SYNE1: variants seen among roughly 807,000 people sequenced by gnomAD.
SYNE1 encodes the protein nesprin-1.
A neutral mutation model predicts 1,111.0 loss-of-function variants in SYNE1; 616 were observed. That is an observed-to-expected ratio of 0.55 (90% CI 0.52 to 0.59). SYNE1 has a LOEUF of 0.59. Ranked by LOEUF, SYNE1 falls within the 20% of genes least tolerant of loss-of-function variation. The probability of loss-of-function intolerance (pLI) is 0.00; values close to 1 mark genes in which losing one functional copy is unlikely to be tolerated. For synonymous variants in SYNE1, 3,855 were observed against 3,825.8 expected (o/e 1.01, Z -0.28); for missense variants, 10,006 against 10,417.0 (o/e 0.96, Z 1.72).
intron 3 of SYNE1, among the ~76,000 whole-genome samples, chr6:152,547,640 C>CA (rs946052533): frequency 6.6e-6 from 1 of 151,662 alleles, no homozygotes; most frequent in Admixed American, 6.6e-5. Context: ...CTAGTCTTTC[C>CA]AAAAAAAAGA....
chr6:152,130,480 A>G (rs1206282336), intron 145 of SYNE1, among the ~76,000 whole-genome samples: 1 of 152,218 alleles, frequency 6.6e-6, no homozygotes, highest in Non-Finnish European at 1.5e-5. Context: ...AAAGTACCAG[A>G]TGGGCTATGT....
chr6:152,446,108 AT>A (rs11351100), intron 29 of SYNE1, among the ~76,000 whole-genome samples: 56,283 of 129,432 alleles, frequency 0.43, 11,103 homozygotes, highest in East Asian at 0.7. Context: ...AAGACAGTCA[AT>A]TTTTTTTTTT....
Position 152,399,307 on chromosome 6 carries a change from C to T in SYNE1, c.7237+309G>A, listed in dbSNP as rs148090432. Among the ~76,000 whole-genome samples the T allele has an allele frequency of 2.9e-4, 44 of 152,270 alleles. No individual in the cohort carries two copies. The East Asian group carries it at 7.9e-3, about 27-fold the overall frequency. ...CAGTTGTTTGGACAGTGGCTGCTGG[C>T]CACTTGAGCAGTGGAAGTAATTTTC... On this transcript the variant is annotated intron_variant, in intron 48 of 145. Coordinates refer to ENST00000367255, the MANE Select transcript of SYNE1 (RefSeq NM_182961.4).
rs201709351 is a variant in SYNE1, at chr6:152,505,445, A to C, written c.582-48T>G. Reference sequence around the variant, plus strand: ...ATGATGTCACATTCTGAATAGATACAAGCACTTTCTTCAAGGCCTCATGCA... The same window carrying C: ...ATGATGTCACATTCTGAATAGATACCAGCACTTTCTTCAAGGCCTCATGCA... On this transcript the variant is annotated intron_variant, in intron 8 of 145. Transcript: ENST00000367255. 2.3e-5 allele frequency: 36 copies of C among 1,599,402 alleles called. No homozygotes were observed. The African/African-American group carries it at 4.4e-4, about 20-fold the overall frequency.
At chr6:152,160,720 A>G (rs975222236) in intron 131 of SYNE1, among the ~76,000 whole-genome samples, 4 of 152,150 alleles carry the variant, frequency 2.6e-5, no homozygotes, top group African/African-American at 9.7e-5. Context: ...TCTAAATTAT[A>G]AAGAATTTTT....
intron 11 of SYNE1, among the ~76,000 whole-genome samples, chr6:152,494,347 T>G (rs989759165): frequency 6.6e-6 from 1 of 152,152 alleles, no homozygotes; most frequent in African/African-American, 2.4e-5. Context: ...ACATTATTCC[T>G]GCTACCACAC....
At chr6:152,350,090 G>A in intron 72 of SYNE1, 78 bp downstream of exon 72, 2 of 1,571,850 alleles carry the variant, frequency 1.3e-6, no homozygotes, top group African/African-American at 1.3e-5. Flanking sequence ...CCCCACACAT[G>A]CACACACATG....
chr6:152,293,549 T>C, intron 95 of SYNE1, 39 bp downstream of exon 95: 1 of 1,612,502 alleles, frequency 6.2e-7, no homozygotes, highest in Non-Finnish European at 8.5e-7. Flanking sequence ...CAGTGCCTTA[T>C]TCAATCAAGT....
chr6:152,283,375 C>G (rs557125036), intron 96 of SYNE1, among the ~76,000 whole-genome samples: 13 of 152,246 alleles, frequency 8.5e-5, no homozygotes, highest in African/African-American at 3.1e-4. Flanking sequence ...TATGCAAATC[C>G]TCTACAATTA....
At chr6:152,238,567 G>A (rs1026067011) in intron 108 of SYNE1, among the ~76,000 whole-genome samples, 3 of 152,134 alleles carry the variant, frequency 2.0e-5, no homozygotes, top group African/African-American at 7.2e-5. Flanking sequence ...GAAAATGTTG[G>A]CCCAGGGAAA....
At chr6:152,296,377 G>C (rs926184269) in intron 93 of SYNE1, among the ~76,000 whole-genome samples, 1 of 152,168 alleles carries the variant, frequency 6.6e-6, no homozygotes, top group African/African-American at 2.4e-5. Context: ...TGCATATCCT[G>C]TAGGCTCTTC....
chr6:152,577,905 A>T (rs79532630), intron 3 of SYNE1, among the ~76,000 whole-genome samples: 8,237 of 152,216 alleles, frequency 0.054, 297 homozygotes, highest in African/African-American at 0.1. Context: ...AGAAAGTAAC[A>T]ACCAGAAGCA....
intron 137 of SYNE1, chr6:152,145,837 C>G (rs570862953): frequency 3.9e-5 from 15 of 383,554 alleles, no homozygotes; most frequent in South Asian, 3.2e-4. Flanking sequence ...CCAGCCTGGC[C>G]GACATGGTGG....
chr6:152,368,683 T>C (rs1382246188), intron 61 of SYNE1: 6 of 372,826 alleles, frequency 1.6e-5, no homozygotes, highest in Non-Finnish European at 3.0e-5. Flanking sequence ...CTGGGAAACA[T>C]ATCATTTCAG....
chr6:152,331,138 T>G lies in SYNE1; in HGVS notation c.13547A>C (p.Gln4516Pro), dbSNP rs1187608510. The G allele has an allele frequency of 6.2e-7, 1 of 1,614,150 alleles. No homozygotes were observed. The highest frequency in any genetic ancestry group is 1.1e-5 in the South Asian group (1 of 91,082). ...GACTTCCTTCATTAGTTCGCGACCC[T>G]GGGCCCAAAGTCCAGTGACTTCATT... ...YQNEVTGLWAQGRELMKEVTE... is the reference protein window; with the variant it reads ...YQNEVTGLWAPGRELMKEVTE... Residue 4516 changes from glutamine to proline, a missense_variant, in exon 78 of 146, where the codon CAG (glutamine) becomes CCG (proline). Transcript: ENST00000367255.
chr6:152,479,098 G>C (rs561297706), intron 14 of SYNE1, among the ~76,000 whole-genome samples: 1 of 152,238 alleles, frequency 6.6e-6, no homozygotes, highest in Admixed American at 6.5e-5. Context: ...ACTTGACAAA[G>C]AGCTTGTGGA....
chr6:152,455,990 CT>C lies in SYNE1; in HGVS notation c.2622del (p.Gly875AlafsTer9). On this transcript the variant is annotated frameshift_variant, in exon 23 of 146. Transcript: ENST00000367255. LOFTEE classifies it high-confidence loss of function. ...ACAAACTTTTGAACACTTTGACTGC[CT>C]TTCTCAATAAGTGTCAAGGTTTTCT... ...NCKKTLTLIEKGSQSVQKFVT... is the reference protein window; with the variant it reads ...NCKKTLTLIEXGSQSVQKFVT... 1 of 1,614,100 alleles carries C rather than the reference CT, an allele frequency of 6.2e-7. No homozygotes were observed. Among genetic ancestry groups the C allele is most frequent in the Non-Finnish European group, 8.5e-7 (1 of 1,179,998 alleles).
intron 3 of SYNE1, among the ~76,000 whole-genome samples, chr6:152,601,375 A>C (rs75643118): frequency 0.093 from 14,224 of 152,250 alleles, 725 homozygotes; most frequent in African/African-American, 0.13. Flanking sequence ...GGGTTAATAA[A>C]TATATTTTAG....
intron 107 of SYNE1, 26 bp downstream of exon 107, chr6:152,242,210 TTCTC>T: frequency 6.3e-7 from 1 of 1,578,846 alleles, no homozygotes; most frequent in Non-Finnish European, 8.7e-7. Flanking sequence ...CAATTACATT[TTCTC>T]TCTATCACTC....
Sources: gnomAD v4.1 joint callset for allele counts (sites outside exome capture counted in the v4.1 genomes callset) on GRCh38, gnomAD v4.1.1 for gene constraint, MANE v1.5 for transcripts, NCBI Gene and HGNC (gene_info 2026-07-23, HGNC 2026-07-21) for gene names.